The following FYN variants were observed in gnomAD, a reference collection of about 807,000 sequenced individuals.
The protein encoded by FYN is FYN proto-oncogene, Src family tyrosine kinase, also known as tyrosine-protein kinase Fyn.
In FYN, 10 loss-of-function variants were observed where a neutral mutation model predicts 70.2. That is an observed-to-expected ratio of 0.14 (90% confidence interval 0.09 to 0.24). The LOEUF (loss-of-function observed/expected upper bound fraction) is 0.24, where lower values mean the gene tolerates loss of function less well. FYN is among the 10% of genes least tolerant of loss of function. The probability of loss-of-function intolerance (pLI) is 1.00; values close to 1 mark genes in which losing one functional copy is unlikely to be tolerated. For synonymous variants in FYN, 236 were observed against 248.6 expected (o/e 0.95, Z 0.48); for missense variants, 319 against 673.1 (o/e 0.47, Z 5.82).
intron 2 of FYN, among the ~76,000 whole-genome samples, chr6:111,802,384 C>T (rs971530379): frequency 7.2e-5 from 11 of 152,130 alleles, no homozygotes; most frequent in African/African-American, 2.4e-4. Flanking sequence ...GCCTGTGGAA[C>T]TCTGAGCCAA....
At chr6:111,732,823 G>A (rs1189177397) in intron 3 of FYN, among the ~76,000 whole-genome samples, 1 of 152,174 alleles carries the variant, frequency 6.6e-6, no homozygotes, top group Middle Eastern at 3.2e-3. Context: ...CAACCCAACA[G>A]GGAACAGCAG....
intron 6 of FYN, among the ~76,000 whole-genome samples, 155 bp downstream of exon 6, chr6:111,707,767 T>C (rs998839647): frequency 8.5e-5 from 13 of 152,212 alleles, no homozygotes; most frequent in African/African-American, 3.1e-4. Context: ...AGTGCAAGTA[T>C]TACACAGGGT....
At chr6:111,869,417 G>A (rs1044225516) in intron 1 of FYN, among the ~76,000 whole-genome samples, 3 of 152,156 alleles carry the variant, frequency 2.0e-5, no homozygotes, top group Non-Finnish European at 4.4e-5. Context: ...TTGAGATAGG[G>A]TCTCACTCTG....
intron 6 of FYN, 21 bp from the exon 7 acceptor site, chr6:111,704,123 A>C: frequency 6.3e-7 from 1 of 1,598,218 alleles, no homozygotes; most frequent in Non-Finnish European, 8.6e-7. Context: ...GATCAAGGAA[A>C]GAAAATATTT....
intron 3 of FYN, among the ~76,000 whole-genome samples, chr6:111,758,422 G>A (rs1384423725): frequency 6.6e-6 from 1 of 152,110 alleles, no homozygotes; most frequent in Non-Finnish European, 1.5e-5. Flanking sequence ...GTATCTTTAA[G>A]TACTTTACAC....
intron 3 of FYN, among the ~76,000 whole-genome samples, chr6:111,751,213 T>C (rs1460977590): frequency 6.6e-6 from 1 of 152,220 alleles, no homozygotes; most frequent in Non-Finnish European, 1.5e-5. Context: ...GTCCATTTGT[T>C]TTCTCTGTGA....
chr6:111,756,350 C>T (rs1340934674), intron 3 of FYN, among the ~76,000 whole-genome samples: 1 of 151,718 alleles, frequency 6.6e-6, no homozygotes, highest in East Asian at 1.9e-4. Context: ...AGCTTCTCAT[C>T]CTTCCACCCA....
chr6:111,773,630 A>AGGGG (rs1803587156), intron 3 of FYN, among the ~76,000 whole-genome samples: 1 of 18,544 alleles, frequency 5.4e-5, no homozygotes, highest in Non-Finnish European at 8.1e-5. Context: ...GGGGGAAAGG[A>AGGGG]GAGGGGGAGG....
chr6:111,867,696 C>A (rs1373313990), intron 1 of FYN, among the ~76,000 whole-genome samples: 1 of 151,972 alleles, frequency 6.6e-6, no homozygotes, highest in Non-Finnish European at 1.5e-5. Context: ...TTTTTTGCTC[C>A]ATCTGCACCT....
At chr6:111,841,112 T>C (rs553648277) in intron 2 of FYN, among the ~76,000 whole-genome samples, 1 of 152,328 alleles carries the variant, frequency 6.6e-6, no homozygotes, top group African/African-American at 2.4e-5. Flanking sequence ...TCCCCAAGTC[T>C]GGGAACCAGC....
At chr6:111,841,916 AT>A (rs1773371289) in intron 2 of FYN, among the ~76,000 whole-genome samples, 1 of 152,024 alleles carries the variant, frequency 6.6e-6, no homozygotes, top group Non-Finnish European at 1.5e-5. Flanking sequence ...CATAACAACT[AT>A]TTTTGGGCCA....
intron 3 of FYN, among the ~76,000 whole-genome samples, chr6:111,724,564 C>A (rs1049208004): frequency 6.6e-6 from 1 of 152,140 alleles, no homozygotes; most frequent in Non-Finnish European, 1.5e-5. Context: ...GAGCTAGGTA[C>A]CAAAATGGGA....
At chr6:111,788,124 C>T (rs1433090898) in intron 2 of FYN, among the ~76,000 whole-genome samples, 1 of 152,144 alleles carries the variant, frequency 6.6e-6, no homozygotes, top group East Asian at 1.9e-4. Flanking sequence ...GTATAAATCC[C>T]TCCCTGAAGT....
At position 111,863,219 on chromosome 6, in the gene FYN, T is replaced by C. The variant is rs896567499; in HGVS notation, c.-123+9749A>G. 5.9e-5 allele frequency among the ~76,000 whole-genome samples: 9 copies of C among 152,286 alleles called. 1 individual carries two copies. In the South Asian group the frequency reaches 1.9e-3, roughly 32 times the overall value. On this transcript the variant is annotated intron_variant, in intron 1 of 13. Transcript: ENST00000354650. ...AGCCAAACTAGACAATAAAAGGTGA[T>C]ACCCTTCAAACTCAGACAGCAACTA... is the stretch of plus-strand genomic sequence containing the variant.
In FYN at chr6:111,686,380, A is replaced by G. The variant is rs1799007026; in HGVS notation, c.1273+7995T>C. Among the ~76,000 whole-genome samples, 4 of 152,294 alleles carry G rather than the reference A, an allele frequency of 2.6e-5. No individual in the cohort carries two copies. In the South Asian group the frequency reaches 8.3e-4, roughly 32 times the overall value. On this transcript the variant is annotated intron_variant, in intron 12 of 13. Coordinates refer to ENST00000354650, the MANE Select transcript of FYN (RefSeq NM_002037.5). ...GGCATGCGACTCAGCTCAGCGGGAA[A>G]GCCGTGTCTGACCTCGGAGGGCAGG...
intron 9 of FYN, 50 bp downstream of exon 9, chr6:111,700,054 G>T: frequency 6.5e-7 from 1 of 1,549,250 alleles, no homozygotes; most frequent in South Asian, 1.1e-5. Flanking sequence ...TGGTGTTTGG[G>T]ATCTTCCAAA....
intron 1 of FYN, among the ~76,000 whole-genome samples, chr6:111,850,033 G>A (rs1240567493): frequency 1.3e-5 from 2 of 152,182 alleles, no homozygotes; most frequent in Non-Finnish European, 2.9e-5. Context: ...GGGTGAAGAG[G>A]GGAGGTGACA....
At chr6:111,768,263 C>T (rs1803310843) in intron 3 of FYN, among the ~76,000 whole-genome samples, 1 of 152,200 alleles carries the variant, frequency 6.6e-6, no homozygotes, top group Non-Finnish European at 1.5e-5. Context: ...GGATGTATCT[C>T]TGTTTTCCCA....
intron 3 of FYN, among the ~76,000 whole-genome samples, chr6:111,778,028 A>G (rs1771019186): frequency 6.6e-6 from 1 of 152,208 alleles, no homozygotes. Context: ...TTGTGAAGGA[A>G]GAGGATTGGG....
Sources: allele counts gnomAD v4.1 joint callset (sites outside exome capture counted in the v4.1 genomes callset), GRCh38; gene constraint gnomAD v4.1.1; transcripts MANE v1.5; gene names NCBI Gene and HGNC (gene_info 2026-07-23, HGNC 2026-07-21).